The following FSHR variants were observed in gnomAD, a reference collection of about 807,000 sequenced individuals.
FSHR encodes the protein follicle stimulating hormone receptor, also known as follicle-stimulating hormone receptor.
A neutral mutation model predicts 52.1 loss-of-function variants in FSHR; 46 were observed. That is an observed-to-expected ratio of 0.88 (90% CI 0.70 to 1.13). The LOEUF (loss-of-function observed/expected upper bound fraction) is 1.13. FSHR is among the 50% of genes most tolerant of loss of function. FSHR has a pLI of 0.00. For synonymous variants in FSHR, 399 were observed against 309.6 expected, an observed-to-expected ratio of 1.29 and a Z score of -3.03; for missense variants, 964 against 834.6, an observed-to-expected ratio of 1.16 and a Z score of -1.91.
At chr2:49,042,996 A>G (rs17822308) in intron 2 of FSHR, among the ~76,000 whole-genome samples, 3,776 of 152,318 alleles carry the variant, frequency 0.025, 60 homozygotes, top group African/African-American at 0.044. Flanking sequence ...CACTGGAAGA[A>G]GCATACCAGG....
chr2:49,042,807 G>A (rs59548500), intron 2 of FSHR, among the ~76,000 whole-genome samples: 1 of 152,156 alleles, frequency 6.6e-6, no homozygotes, highest in Admixed American at 6.5e-5. Context: ...GCCTGAAGAT[G>A]TGGCATATTT....
chr2:48,964,969 C>G (rs562388962), intron 9 of FSHR, among the ~76,000 whole-genome samples: 1 of 148,876 alleles, frequency 6.7e-6, no homozygotes, highest in Admixed American at 6.8e-5. Context: ...GGGAATAAGC[C>G]TTACGTTAGG....
intron 4 of FSHR, among the ~76,000 whole-genome samples, chr2:49,016,794 C>G (rs993338590): frequency 3.3e-4 from 34 of 102,556 alleles, no homozygotes; most frequent in Non-Finnish European, 2.1e-4. Context: ...TATTTCCATT[C>G]TCTTGATGAA....
chr2:49,024,139 C>A, intron 2 of FSHR, among the ~76,000 whole-genome samples: 1 of 152,140 alleles, frequency 6.6e-6, no homozygotes. Flanking sequence ...ATACAAAGAA[C>A]TGAAGAGCTG....
intron 1 of FSHR, among the ~76,000 whole-genome samples, chr2:49,110,188 T>C (rs1671374555): frequency 6.6e-6 from 1 of 152,192 alleles, no homozygotes; most frequent in African/African-American, 2.4e-5. Context: ...CCAAGCATGG[T>C]ACTAAGTGTT....
At chr2:49,122,802 G>C (rs1241025817) in intron 1 of FSHR, among the ~76,000 whole-genome samples, 1 of 152,168 alleles carries the variant, frequency 6.6e-6, no homozygotes, top group Non-Finnish European at 1.5e-5. Context: ...TAACACCCAG[G>C]ATCTTGGGTT....
rs778915696 is a variant in FSHR at position 48,963,573 on chromosome 2, C to G, written c.1248G>C (p.Leu416=). 6.2e-7 allele frequency: 1 copy of G among 1,614,154 alleles called. No homozygotes were observed. The highest frequency in any genetic ancestry group is 1.1e-5 in the South Asian group (1 of 91,078). ...FADLCIGIYL[L]LIASVDIHTK... ...TATGGATATCAACTGATGCAATGAGCAGCAGGTAGATTCCAATGCAGAGAT... is the reference window on the plus strand; with the variant it reads ...TATGGATATCAACTGATGCAATGAGGAGCAGGTAGATTCCAATGCAGAGAT... The change falls in exon 10 of 10, where the codon CTG becomes CTC. Residue 416 remains leucine (L), a synonymous_variant. Transcript: ENST00000406846.
chr2:49,150,046 G>C (rs966346026), intron 1 of FSHR, among the ~76,000 whole-genome samples: 6 of 152,192 alleles, frequency 3.9e-5, no homozygotes, highest in Non-Finnish European at 7.4e-5. Flanking sequence ...TGTAGAATGG[G>C]TGTTTGCATT....
At chr2:49,094,409 A>G (rs1670742823) in intron 1 of FSHR, among the ~76,000 whole-genome samples, 1 of 152,174 alleles carries the variant, frequency 6.6e-6, no homozygotes, top group African/African-American at 2.4e-5. Flanking sequence ...GATATTGTAG[A>G]CATTTTGCCA....
At chr2:48,996,319 C>G (rs186425901) in intron 4 of FSHR, among the ~76,000 whole-genome samples, 1 of 152,048 alleles carries the variant, frequency 6.6e-6, no homozygotes, top group East Asian at 1.9e-4. Context: ...AGTTGATTCT[C>G]ATTATCCACA....
intron 8 of FSHR, among the ~76,000 whole-genome samples, chr2:48,971,978 T>C (rs866986896): frequency 4.6e-5 from 7 of 152,230 alleles, no homozygotes; most frequent in African/African-American, 1.7e-4. Flanking sequence ...TCCAGTCTTA[T>C]GACATAAACA....
At chr2:49,147,179 C>T (rs1233448844) in intron 1 of FSHR, among the ~76,000 whole-genome samples, 1 of 151,994 alleles carries the variant, frequency 6.6e-6, no homozygotes, top group Admixed American at 6.6e-5. Flanking sequence ...CTGAGATACT[C>T]CAGGGAGAGG....
At position 49,064,659 on chromosome 2, in the gene FSHR, A is replaced by T. The variant is rs561545175; in HGVS notation, c.224+3560T>A. On this transcript the variant is annotated intron_variant, in intron 2 of 9. Coordinates refer to ENST00000406846, the MANE Select transcript of FSHR (RefSeq NM_000145.4). ...AAGATTGTGGTAGCTGGAGAAAGAG[A>T]TGGGTGGATAGGTTAGACGTGTAAC... Among the ~76,000 whole-genome samples, 3 of 152,164 alleles carry T rather than the reference A, an allele frequency of 2.0e-5. No homozygotes were observed. In the South Asian group the frequency reaches 6.2e-4, roughly 32 times the overall value.
At position 48,962,651 on chromosome 2, in the gene FSHR, C is replaced by G. The variant is rs1037936002; in HGVS notation, c.*82G>C. 6 of 1,360,078 alleles carry G rather than the reference C, an allele frequency of 4.4e-6. No homozygotes were observed. The highest frequency in any genetic ancestry group is 1.7e-5 in the Admixed American group (1 of 59,190). The allele number at this position is 1,360,078 out of a possible 1,614,324, so 84.3% of individuals were successfully genotyped here. A position where few individuals can be genotyped will look rare whatever the true frequency, so the allele number is the denominator to read the frequency against. On this transcript the variant is annotated 3_prime_UTR_variant, in exon 10 of 10. Transcript: ENST00000406846. ...TTAAATTAGATGAAATGTGTAGAAG[C>G]ACTGTCAGCTCTTTGTGACATACCC... is the stretch of plus-strand genomic sequence containing the variant.
intron 1 of FSHR, among the ~76,000 whole-genome samples, chr2:49,087,349 C>T (rs887242155): frequency 2.6e-5 from 4 of 151,870 alleles, no homozygotes; most frequent in Non-Finnish European, 4.4e-5. Flanking sequence ...GGAAGGGAAA[C>T]AAGAAAGCCA....
intron 4 of FSHR, among the ~76,000 whole-genome samples, chr2:49,017,147 G>A (rs1667518042): frequency 6.6e-6 from 1 of 152,234 alleles, no homozygotes; most frequent in African/African-American, 2.4e-5. Flanking sequence ...CAATGGCTTT[G>A]AAGTCAAGGT....
chr2:48,963,359 T>C lies in FSHR; in HGVS notation c.1462A>G (p.Ser488Gly). 1.9e-6 allele frequency: 3 copies of C among 1,614,036 alleles called. No homozygotes were observed. The highest frequency in any genetic ancestry group is 1.7e-6 in the Non-Finnish European group (2 of 1,179,972). The change falls in exon 10 of 10, where the codon AGT (serine) becomes GGT (glycine). Residue 488 changes from serine to glycine, a missense_variant. Physicochemically the swap from Ser to Gly is moderately conservative, Grantham distance 56. Transcript: ENST00000406846. ...DCKVQLRHAASVMVMGWIFAF... is the reference protein window; with the variant it reads ...DCKVQLRHAAGVMVMGWIFAF... ...AAAATCCAGCCCATCACCATGACAC[T>C]GGCAGCATGGCGGAGCTGCACCTTG...
At chr2:49,018,654 G>A (rs1261718884) in intron 3 of FSHR, among the ~76,000 whole-genome samples, 1 of 152,168 alleles carries the variant, frequency 6.6e-6, no homozygotes, top group East Asian at 1.9e-4. Context: ...TAGACCAAGT[G>A]GAAAGAGAAG....
intron 2 of FSHR, among the ~76,000 whole-genome samples, chr2:49,040,562 T>C (rs1390282022): frequency 6.6e-6 from 1 of 152,130 alleles, no homozygotes; most frequent in Non-Finnish European, 1.5e-5. Flanking sequence ...TAAATATGTG[T>C]TGAAAGTAGG....
Sources: gnomAD v4.1 joint callset for allele counts (sites outside exome capture counted in the v4.1 genomes callset) on GRCh38, gnomAD v4.1.1 for gene constraint, MANE v1.5 for transcripts, NCBI Gene and HGNC (gene_info 2026-07-23, HGNC 2026-07-21) for gene names.